NUMB: variants seen among roughly 807,000 people sequenced by gnomAD.
NUMB encodes protein numb homolog.
Under a neutral mutation model 59.7 loss-of-function variants are expected in NUMB, and 29 were observed. The observed-to-expected ratio is 0.49, with a 90% CI of 0.36 to 0.66. The LOEUF is 0.66. Among genes scored for constraint, NUMB ranks in the 30% least tolerant of loss-of-function variants. NUMB has a pLI of 0.00. For synonymous variants in NUMB, 288 were observed against 288.2 expected (o/e 1.00, Z 0.01); for missense variants, 723 against 822.0 (o/e 0.88, Z 1.47).
chr14:73,418,728 G>A (rs1293300493), intron 1 of NUMB, among the ~76,000 whole-genome samples: 1 of 151,508 alleles, frequency 6.6e-6, no homozygotes, highest in East Asian at 1.9e-4. Flanking sequence ...CCGAAACTGC[G>A]CCACTGCACT....
chr14:73,371,011 C>A (rs1894646611), intron 2 of NUMB, among the ~76,000 whole-genome samples: 1 of 130,620 alleles, frequency 7.7e-6, no homozygotes. Flanking sequence ...GTTGCCCAGG[C>A]TGATCTTGAA....
At chr14:73,290,183 T>C (rs1280826919) in intron 8 of NUMB, among the ~76,000 whole-genome samples, 6 of 152,326 alleles carry the variant, frequency 3.9e-5, no homozygotes, top group Non-Finnish European at 8.8e-5. Flanking sequence ...AGTGTAGTGA[T>C]AGCAAAATAT....
intron 4 of NUMB, among the ~76,000 whole-genome samples, chr14:73,334,515 T>C (rs1892184186): frequency 2.6e-5 from 4 of 152,230 alleles, no homozygotes; most frequent in South Asian, 4.1e-4. Flanking sequence ...TCCTTTTAGA[T>C]AAAGAGACAG....
intron 2 of NUMB, among the ~76,000 whole-genome samples, chr14:73,399,116 G>T (rs984970890): frequency 6.6e-6 from 1 of 152,034 alleles, no homozygotes; most frequent in African/African-American, 2.4e-5. Context: ...GATCAAAAAA[G>T]AATAAATAGA....
chr14:73,412,528 G>A (rs1031842828), intron 1 of NUMB, among the ~76,000 whole-genome samples: 3 of 151,628 alleles, frequency 2.0e-5, no homozygotes, highest in African/African-American at 7.3e-5. Flanking sequence ...TCGGGAGGCT[G>A]AGGCAGGAGA....
At chr14:73,334,729 G>A (rs560459538) in intron 4 of NUMB, among the ~76,000 whole-genome samples, 32 of 152,168 alleles carry the variant, frequency 2.1e-4, no homozygotes, top group Non-Finnish European at 4.4e-4. Context: ...TGGATCACCT[G>A]AAGTCAGGAG....
intron 1 of NUMB, among the ~76,000 whole-genome samples, chr14:73,412,262 TCTAAGCACCTCCTATGGATTATCC>T (rs1175469007): frequency 6.6e-6 from 1 of 152,058 alleles, no homozygotes. Context: ...CAAAAGCTCT[TCTAAGCACCTCCTATGGATTATCC>T]CATTTAATCC....
At chr14:73,382,045 A>T (rs1319796649) in intron 2 of NUMB, among the ~76,000 whole-genome samples, 1 of 152,208 alleles carries the variant, frequency 6.6e-6, no homozygotes, top group Admixed American at 6.5e-5. Flanking sequence ...AAAATCCCAG[A>T]AAAAAAGCAA....
rs540759458 is a variant in NUMB, at chr14:73,278,648, C to T, written c.1240+633G>A. On this transcript the variant is annotated intron_variant, in intron 12 of 12. Transcript: ENST00000555238. ...TAGGCCTCCTATTGTAGGAGCAGGG[C>T]CCCCTCTTTCTACAGGAATGTCTGC... 1.5e-4 allele frequency among the ~76,000 whole-genome samples: 23 copies of T among 151,262 alleles called. No homozygotes were observed. In the East Asian group the frequency reaches 4.3e-3, roughly 28 times the overall value.
chr14:73,360,086 T>C (rs1199920436), intron 3 of NUMB, among the ~76,000 whole-genome samples: 1 of 152,220 alleles, frequency 6.6e-6, no homozygotes, highest in Non-Finnish European at 1.5e-5. Context: ...TTTAAAAATG[T>C]AAAATGGATC....
intron 11 of NUMB, among the ~76,000 whole-genome samples, chr14:73,281,248 T>C (rs186553781): frequency 9.3e-6 from 1 of 108,050 alleles, no homozygotes; most frequent in East Asian, 2.0e-4. Context: ...CTGAGCCTCT[T>C]TTTTTTTTTT....
intron 1 of NUMB, among the ~76,000 whole-genome samples, chr14:73,435,650 G>A (rs1898024370): frequency 6.6e-6 from 1 of 151,968 alleles, no homozygotes; most frequent in South Asian, 2.1e-4. Flanking sequence ...CAAGAGAAAT[G>A]AAATGTTCAC....
At chr14:73,293,606 C>T (rs910020486) in intron 7 of NUMB, among the ~76,000 whole-genome samples, 3 of 152,044 alleles carry the variant, frequency 2.0e-5, no homozygotes, top group Non-Finnish European at 2.9e-5. Flanking sequence ...TTAGCCAGGA[C>T]GGTCTCAATC....
intron 6 of NUMB, among the ~76,000 whole-genome samples, chr14:73,316,173 T>C (rs779687791): frequency 5.9e-5 from 9 of 152,200 alleles, no homozygotes; most frequent in Non-Finnish European, 1.0e-4. Context: ...GTCCAGCCTA[T>C]TTATTGGAAT....
chr14:73,417,829 G>T (rs905858268), intron 1 of NUMB, among the ~76,000 whole-genome samples: 1 of 152,136 alleles, frequency 6.6e-6, no homozygotes. Context: ...AGTCTAGGCC[G>T]GGAGCCATGG....
At chr14:73,354,155 C>T (rs551268122) in intron 4 of NUMB, among the ~76,000 whole-genome samples, 7 of 151,784 alleles carry the variant, frequency 4.6e-5, no homozygotes, top group Non-Finnish European at 1.0e-4. Flanking sequence ...GCCCATATTT[C>T]AATCAGTGGT....
rs779170163 is a variant in NUMB, at chr14:73,355,690, C to T, written c.62G>A (p.Arg21His). ...TTCATCTGTCTGCCACTGATGTGGA[C>T]GACTGGCCTCTGGAACATAAACATC... ...KKDVYVPEAS[R>H]PHQWQTDEEG... Residue 21 changes from arginine (R) to histidine (H), a missense_variant, in exon 4 of 13, where the codon CGT (arginine) becomes CAT (histidine). Arg to His is a conservative substitution (Grantham distance 29). Coordinates refer to ENST00000555238, the MANE Select transcript of NUMB (RefSeq NM_001005743.2). The T allele has an allele frequency of 8.7e-6, 14 of 1,613,380 alleles. No homozygotes were observed. Among genetic ancestry groups the T allele is most frequent in the African/African-American group, 1.3e-5 (1 of 75,022 alleles).
At chr14:73,307,219 G>A (rs778007851) in intron 6 of NUMB, among the ~76,000 whole-genome samples, 1 of 151,794 alleles carries the variant, frequency 6.6e-6, no homozygotes, top group Non-Finnish European at 1.5e-5. Context: ...TGAGGCCAGA[G>A]AATGGCATGA....
intron 2 of NUMB, among the ~76,000 whole-genome samples, chr14:73,370,885 T>C (rs1894640267): frequency 6.6e-6 from 1 of 152,272 alleles, no homozygotes. Context: ...TTTTTAACTT[T>C]ATATAATTTC....
Sources: gnomAD v4.1 joint callset for allele counts (sites outside exome capture counted in the v4.1 genomes callset) on GRCh38, gnomAD v4.1.1 for gene constraint, MANE v1.5 for transcripts, NCBI Gene and HGNC (gene_info 2026-07-23, HGNC 2026-07-21) for gene names.